The following PRM1 variants were observed in gnomAD, a reference collection of about 807,000 sequenced individuals.
The protein encoded by PRM1 is sperm protamine P1.
A neutral mutation model predicts 4.8 loss-of-function variants in PRM1; 4 were observed. That is an observed-to-expected ratio of 0.83 (90% CI 0.41 to 1.91). PRM1 has a LOEUF of 1.91. Among genes scored for constraint, PRM1 ranks in the 40% most tolerant of loss-of-function variants. PRM1 has a pLI of 0.03. For missense variants in PRM1, 88 were observed against 75.7 expected, an observed-to-expected ratio of 1.16 and a Z score of -0.61; for synonymous variants, 29 against 22.7, an observed-to-expected ratio of 1.28 and a Z score of -0.79.
In PRM1 at chr16:11,281,126, C is replaced by G. The variant is rs1433033495; in HGVS notation, c.112+1G>C. Reference sequence around the variant, plus strand: ...GCCCACCCTCAGCTGGGCCCACTTACTCATGGCTCTCCTCCGTGTCTGGCA... The same window carrying G: ...GCCCACCCTCAGCTGGGCCCACTTAGTCATGGCTCTCCTCCGTGTCTGGCA... On this transcript the variant is annotated splice_donor_variant, in intron 1 of 1. Transcript: ENST00000312511. LOFTEE classifies it high-confidence loss of function. 16 of 1,614,160 alleles carry G rather than the reference C, an allele frequency of 9.9e-6. No homozygotes were observed. Among genetic ancestry groups the G allele is most frequent in the Non-Finnish European group, 1.4e-5 (16 of 1,180,008 alleles).
Position 11,281,112 on chromosome 16 carries a change from G to T in PRM1, c.112+15C>A, listed in dbSNP as rs372860948. On this transcript the variant is annotated intron_variant, in intron 1 of 1. Transcript: ENST00000312511. ...CAGCCTCAGCCCCAGCCCACCCTCA[G>T]CTGGGCCCACTTACTCATGGCTCTC... The T allele has an allele frequency of 1.2e-5, 20 of 1,613,844 alleles. No individual in the cohort carries two copies. Among genetic ancestry groups the T allele is most frequent in the Non-Finnish European group, 1.6e-5 (19 of 1,179,842 alleles).
rs777670644 is a variant in PRM1, at chr16:11,281,220, A to C, written c.19T>G (p.Cys7Gly). 17 of 1,614,082 alleles carry C rather than the reference A, an allele frequency of 1.1e-5. No homozygotes were observed. In the East Asian group the frequency reaches 3.6e-4, roughly 34 times the overall value. Residue 7 changes from cysteine to glycine, a missense_variant, in exon 1 of 2, where the codon TGT becomes GGT. Physicochemically the swap from Cys to Gly is radical, Grantham distance 159 (BLOSUM62 -3). Transcript: ENST00000312511. MARYRC[C>G]RSQSRSRYYR... ...TATCTGCTCCGGCTCTGGCTGCGAC[A>C]GCATCTGTACCTGGCCATGGTGCAG...
At position 11,280,948 on chromosome 16, in the gene PRM1, A is replaced by G. The variant is rs2069942149; in HGVS notation, c.*44T>C. ...TGGCAAGAGGATCTTGAAGTCTGGT[A>G]ACATTCTCAGGCAGGAGTTTGGTGG... On this transcript the variant is annotated 3_prime_UTR_variant, in exon 2 of 2. Transcript: ENST00000312511. The G allele has an allele frequency of 1.3e-6, 2 of 1,585,100 alleles. No individual in the cohort carries two copies. The highest frequency in any genetic ancestry group is 4.5e-5 in the East Asian group (2 of 44,776).
In PRM1 at chr16:11,280,869, C is replaced by T; in HGVS notation, c.*123G>A. ...CTTTTCAACATTTATTGACAGGCGG[C>T]ATTGTTCCTTAGCAGGCTCCTGATT... is the stretch of plus-strand genomic sequence containing the variant. On this transcript the variant is annotated 3_prime_UTR_variant, in exon 2 of 2. Coordinates refer to ENST00000312511, the MANE Select transcript of PRM1 (RefSeq NM_002761.3). 1.8e-6 allele frequency: 2 copies of T among 1,108,706 alleles called. No individual in the cohort carries two copies. The highest frequency in any genetic ancestry group is 2.8e-6 in the Non-Finnish European group (2 of 718,592). The allele number at this position is 1,108,706 out of a possible 1,614,324, so 68.7% of individuals were successfully genotyped here.
In PRM1 at chr16:11,281,302, C is replaced by T; in HGVS notation, c.-64G>A. 6 of 1,423,580 alleles carry T rather than the reference C, an allele frequency of 4.2e-6. No individual in the cohort carries two copies. The highest frequency in any genetic ancestry group is 5.9e-6 in the Non-Finnish European group (6 of 1,010,664). 88.2% of individuals were successfully genotyped at this position (1,423,580 alleles called of 1,614,324 possible). On this transcript the variant is annotated 5_prime_UTR_variant, in exon 1 of 2. Coordinates refer to ENST00000312511, the MANE Select transcript of PRM1 (RefSeq NM_002761.3). ...CACCACCTTGGCTGAGCCAGCCAAC[C>T]TGTGAGCAGGTGGAACTCTGTGGGC...
At position 11,281,173 on chromosome 16, in the gene PRM1, ACTT is replaced by A. The variant is rs774713009; in HGVS notation, c.63_65del (p.Arg21del). 13 of 1,613,930 alleles carry A rather than the reference ACTT, an allele frequency of 8.1e-6. No homozygotes were observed. The highest frequency in any genetic ancestry group is 5.3e-5 in the African/African-American group (4 of 74,870). The stretch of plus-strand genomic sequence containing the variant: ...GGCAGCTCCGCCTCCTTCGTCTGCG[ACTT>A]CTTTGTCTCTGGCGGTAATATCTGC... On this transcript the variant is annotated inframe_deletion, in exon 1 of 2. Transcript: ENST00000312511.
rs1428464705 is a variant in PRM1, at chr16:11,281,267, C to T, written c.-29G>A. On this transcript the variant is annotated 5_prime_UTR_variant, in exon 1 of 2. Transcript: ENST00000312511. Reference sequence around the variant, plus strand: ...GCAGGATGGGCTTGGCCTGAATGCTCAGAGCAGGGCACCACCTTGGCTGAG... The same window carrying T: ...GCAGGATGGGCTTGGCCTGAATGCTTAGAGCAGGGCACCACCTTGGCTGAG... 1 of 1,600,612 alleles carries T rather than the reference C, an allele frequency of 6.2e-7. No homozygotes were observed. Among genetic ancestry groups the T allele is most frequent in the Non-Finnish European group, 8.6e-7 (1 of 1,168,802 alleles).
rs994288941 is a variant in PRM1, at chr16:11,280,890, T to C, written c.*102A>G. The C allele has an allele frequency of 4.0e-5, 53 of 1,330,320 alleles. No homozygotes were observed. Among genetic ancestry groups the C allele is most frequent in the Non-Finnish European group, 5.5e-5 (51 of 920,476 alleles). The allele number at this position is 1,330,320 out of a possible 1,614,324, so 82.4% of individuals were successfully genotyped here. A position where few individuals can be genotyped will look rare whatever the true frequency, so the allele number is the denominator to read the frequency against. On this transcript the variant is annotated 3_prime_UTR_variant, in exon 2 of 2. Coordinates refer to ENST00000312511, the MANE Select transcript of PRM1 (RefSeq NM_002761.3). ...GCGGCATTGTTCCTTAGCAGGCTCC[T>C]GATTTTTATTGGATGGTGGCATTTT...
Position 11,281,023 on chromosome 16 carries a change from G to T in PRM1, c.125C>A (p.Pro42His). Reference protein sequence around the residue: ...TRRRAMRCCRPRYRPRCRRH With the variant: ...TRRRAMRCCRHRYRPRCRRH The stretch of plus-strand genomic sequence containing the variant: ...TCTTCTACATCGCGGTCTGTACCTG[G>T]GGCGGCAGCACCCTGGTGAGACCAA... The change falls in exon 2 of 2, where the codon CCC becomes CAC. Residue 42 changes from proline (P) to histidine (H), a missense_variant. Coordinates refer to ENST00000312511, the MANE Select transcript of PRM1 (RefSeq NM_002761.3). The T allele has an allele frequency of 6.2e-7, 1 of 1,614,078 alleles. No homozygotes were observed. Among genetic ancestry groups the T allele is most frequent in the South Asian group, 1.1e-5 (1 of 91,084 alleles).
In PRM1 at chr16:11,280,904, T is replaced by A. The variant is rs544087106; in HGVS notation, c.*88A>T. 2.8e-6 allele frequency: 4 copies of A among 1,414,972 alleles called. No homozygotes were observed. In the South Asian group the frequency reaches 4.6e-5, roughly 16 times the overall value. 87.7% of individuals were successfully genotyped at this position (1,414,972 alleles called of 1,614,324 possible). A position where few individuals can be genotyped will look rare whatever the true frequency, so the allele number is the denominator to read the frequency against. On this transcript the variant is annotated 3_prime_UTR_variant, in exon 2 of 2. Coordinates refer to ENST00000312511, the MANE Select transcript of PRM1 (RefSeq NM_002761.3). ...TAGCAGGCTCCTGATTTTTATTGGA[T>A]GGTGGCATTTTCAAGATGTGGCAAG...
Position 11,280,984 on chromosome 16 carries a change from T to G in PRM1, c.*8A>C. On this transcript the variant is annotated 3_prime_UTR_variant, in exon 2 of 2. Coordinates refer to ENST00000312511, the MANE Select transcript of PRM1 (RefSeq NM_002761.3). ...GCAGGAGTTTGGTGGATGTGCTATT[T>G]TGTGCAATTAGTGTCTTCTACATCG... The G allele has an allele frequency of 6.2e-7, 1 of 1,612,606 alleles. No homozygotes were observed. The highest frequency in any genetic ancestry group is 8.5e-7 in the Non-Finnish European group (1 of 1,178,536).
In PRM1 at chr16:11,280,866, C is replaced by T. The variant is rs1006477149; in HGVS notation, c.*126G>A. On this transcript the variant is annotated 3_prime_UTR_variant, in exon 2 of 2. Coordinates refer to ENST00000312511, the MANE Select transcript of PRM1 (RefSeq NM_002761.3). ...TGACTTTTCAACATTTATTGACAGGCGGCATTGTTCCTTAGCAGGCTCCTG... is the reference window on the plus strand; with the variant it reads ...TGACTTTTCAACATTTATTGACAGGTGGCATTGTTCCTTAGCAGGCTCCTG... 9.9e-5 allele frequency: 107 copies of T among 1,082,030 alleles called. No homozygotes were observed. Among genetic ancestry groups the T allele is most frequent in the East Asian group, 2.8e-4 (12 of 42,554 alleles). 67.0% of individuals were successfully genotyped at this position (1,082,030 alleles called of 1,614,324 possible).
rs979622750 is a variant in PRM1, at chr16:11,281,183, C to G, written c.56G>C (p.Arg19Thr). 14 of 1,614,092 alleles carry G rather than the reference C, an allele frequency of 8.7e-6. No homozygotes were observed. The highest frequency in any genetic ancestry group is 1.1e-5 in the Non-Finnish European group (13 of 1,180,056). The change falls in exon 1 of 2, where the codon AGA (arginine) becomes ACA (threonine). Residue 19 changes from arginine to threonine, a missense_variant. By Grantham distance (71) the Arg-to-Thr change is moderately conservative. Transcript: ENST00000312511. ...CCTCCTTCGTCTGCGACTTCTTTGT[C>G]TCTGGCGGTAATATCTGCTCCGGCT... ...SQSRSRYYRQ[R>T]QRSRRRRRRS...
In PRM1 at chr16:11,280,886, C is replaced by G. The variant is rs564669967; in HGVS notation, c.*106G>C. The G allele has an allele frequency of 7.9e-6, 10 of 1,258,102 alleles. No individual in the cohort carries two copies. The highest frequency in any genetic ancestry group is 7.3e-5 in the African/African-American group (5 of 68,188). The allele number at this position is 1,258,102 out of a possible 1,614,324, so 77.9% of individuals were successfully genotyped here. ...ACAGGCGGCATTGTTCCTTAGCAGGCTCCTGATTTTTATTGGATGGTGGCA... is the reference window on the plus strand; with the variant it reads ...ACAGGCGGCATTGTTCCTTAGCAGGGTCCTGATTTTTATTGGATGGTGGCA... On this transcript the variant is annotated 3_prime_UTR_variant, in exon 2 of 2. Transcript: ENST00000312511.
Position 11,281,318 on chromosome 16 carries a change from C to G in PRM1, c.-80G>C. ...CCAGCCAACCTGTGAGCAGGTGGAA[C>G]TCTGTGGGCTGTGAGTCAGGGGCCA... On this transcript the variant is annotated 5_prime_UTR_variant, in exon 1 of 2. Coordinates refer to ENST00000312511, the MANE Select transcript of PRM1 (RefSeq NM_002761.3). 1.6e-6 allele frequency: 2 copies of G among 1,250,176 alleles called. No homozygotes were observed. The highest frequency in any genetic ancestry group is 2.3e-6 in the Non-Finnish European group (2 of 855,486). The allele number at this position is 1,250,176 out of a possible 1,614,324, so 77.4% of individuals were successfully genotyped here.
Position 11,280,902 on chromosome 16 carries a change from G to T in PRM1, c.*90C>A. 1 of 1,410,496 alleles carries T rather than the reference G, an allele frequency of 7.1e-7. No individual in the cohort carries two copies. Among genetic ancestry groups the T allele is most frequent in the Non-Finnish European group, 1.0e-6 (1 of 993,554 alleles). 87.4% of individuals were successfully genotyped at this position (1,410,496 alleles called of 1,614,324 possible). On this transcript the variant is annotated 3_prime_UTR_variant, in exon 2 of 2. Transcript: ENST00000312511. ...CTTAGCAGGCTCCTGATTTTTATTG[G>T]ATGGTGGCATTTTCAAGATGTGGCA... is the stretch of plus-strand genomic sequence containing the variant.
rs1175914595 is a variant in PRM1, at chr16:11,281,269, G to A, written c.-31C>T. The A allele has an allele frequency of 6.2e-7, 1 of 1,600,368 alleles. No homozygotes were observed. On this transcript the variant is annotated 5_prime_UTR_variant, in exon 1 of 2. Transcript: ENST00000312511. ...AGGATGGGCTTGGCCTGAATGCTCAGAGCAGGGCACCACCTTGGCTGAGCC... is the reference window on the plus strand; with the variant it reads ...AGGATGGGCTTGGCCTGAATGCTCAAAGCAGGGCACCACCTTGGCTGAGCC...
At position 11,281,275 on chromosome 16, in the gene PRM1, G is replaced by A. The variant is rs766583010; in HGVS notation, c.-37C>T. ...GGCTTGGCCTGAATGCTCAGAGCAG[G>A]GCACCACCTTGGCTGAGCCAGCCAA... On this transcript the variant is annotated 5_prime_UTR_variant, in exon 1 of 2. Coordinates refer to ENST00000312511, the MANE Select transcript of PRM1 (RefSeq NM_002761.3). The A allele has an allele frequency of 1.9e-6, 3 of 1,595,832 alleles. No individual in the cohort carries two copies. Among genetic ancestry groups the A allele is most frequent in the East Asian group, 2.2e-5 (1 of 44,828 alleles).
rs745586401 is a variant in PRM1 at position 11,281,233 on chromosome 16, G to A, written c.6C>T (p.Ala2=). The A allele has an allele frequency of 9.3e-6, 15 of 1,613,706 alleles. No homozygotes were observed. The highest frequency in any genetic ancestry group is 8.9e-5 in the East Asian group (4 of 44,898). The change falls in exon 1 of 2, where the codon GCC becomes GCT. Residue 2 remains alanine, a synonymous_variant. Coordinates refer to ENST00000312511, the MANE Select transcript of PRM1 (RefSeq NM_002761.3). M[A]RYRCCRSQSR... ...TCTGGCTGCGACAGCATCTGTACCT[G>A]GCCATGGTGCAGGATGGGCTTGGCC...
Sources: gnomAD v4.1 joint callset for allele counts on GRCh38, gnomAD v4.1.1 for gene constraint, MANE v1.5 for transcripts, NCBI Gene and HGNC (gene_info 2026-07-23, HGNC 2026-07-21) for gene names.